Variants in DCAF6 observed in about 807,000 individuals in gnomAD.
The protein encoded by DCAF6 is DDB1- and CUL4-associated factor 6.
Under a neutral mutation model 125.1 loss-of-function variants are expected in DCAF6, and 54 were observed. The ratio of observed to expected loss-of-function variants is 0.43; its 90% CI spans 0.35 to 0.54. The LOEUF (loss-of-function observed/expected upper bound fraction) is 0.54. Ranked by LOEUF, DCAF6 falls within the 20% of genes least tolerant of loss-of-function variation. The pLI is 0.01. For synonymous variants in DCAF6, 371 were observed against 390.4 expected (o/e 0.95, Z 0.58); for missense variants, 934 against 1,161.7 (o/e 0.80, Z 2.85).
chr1:167,892,401 A>G, the DCAF6 span, among the ~76,000 whole-genome samples: 3 of 152,292 alleles, frequency 2.0e-5, no homozygotes, highest in East Asian at 3.9e-4. Context: ...TGGTTTTGGT[A>G]AAGTTGTAAA....
At chr1:168,037,854 G>C (rs750565473) in intron 12 of DCAF6, among the ~76,000 whole-genome samples, 1 of 152,186 alleles carries the variant, frequency 6.6e-6, no homozygotes, top group African/African-American at 2.4e-5. Context: ...TGCAGACTGT[G>C]ATTCCTCCCT....
chr1:167,890,854 T>A, the DCAF6 span, among the ~76,000 whole-genome samples: 1 of 152,216 alleles, frequency 6.6e-6, no homozygotes, highest in Non-Finnish European at 1.5e-5. Flanking sequence ...ACCGATTAGA[T>A]AACTGATGTA....
At chr1:167,932,353 A>G (rs918339960), upstream of DCAF6, among the ~76,000 whole-genome samples, 5 of 152,172 alleles carry the variant, frequency 3.3e-5, no homozygotes, top group Non-Finnish European at 7.3e-5. Context: ...AGTGGATGAA[A>G]TAACAGTAAA....
the DCAF6 span, among the ~76,000 whole-genome samples, chr1:167,910,830 A>G: frequency 3.9e-5 from 6 of 152,142 alleles, no homozygotes; most frequent in African/African-American, 1.4e-4. Flanking sequence ...CTCAACTTTG[A>G]CTTCTTTAGC....
intron 18 of DCAF6, among the ~76,000 whole-genome samples, chr1:168,065,303 A>G (rs1156841175): frequency 6.6e-6 from 1 of 151,834 alleles, no homozygotes; most frequent in Non-Finnish European, 1.5e-5. Flanking sequence ...AAGCTAGAAG[A>G]CAGATTTTTG....
At chr1:167,887,508 A>C in the DCAF6 span, among the ~76,000 whole-genome samples, 2 of 152,064 alleles carry the variant, frequency 1.3e-5, no homozygotes, top group Non-Finnish European at 2.9e-5. Flanking sequence ...GAACACTTAG[A>C]CACAGGGTGG....
chr1:167,933,171 T>G (rs1007863035), upstream of DCAF6, among the ~76,000 whole-genome samples: 1 of 117,908 alleles, frequency 8.5e-6, no homozygotes, highest in Admixed American at 8.0e-5. Flanking sequence ...ACACATTAGT[T>G]TTTTTTTTTT....
intron 2 of DCAF6, among the ~76,000 whole-genome samples, chr1:167,956,549 C>G (rs1382350276): frequency 6.6e-6 from 1 of 151,940 alleles, no homozygotes; most frequent in East Asian, 1.9e-4. Context: ...TTTCTGTTTT[C>G]TATTTCATTG....
At chr1:167,996,270 C>A (rs941513843) in intron 7 of DCAF6, among the ~76,000 whole-genome samples, 1 of 148,872 alleles carries the variant, frequency 6.7e-6, no homozygotes, top group Non-Finnish European at 1.5e-5. Context: ...ATCCTTTTTT[C>A]TTTTTATCAT....
At chr1:167,977,007 A>G (rs746277415) in intron 4 of DCAF6, among the ~76,000 whole-genome samples, 3 of 138,908 alleles carry the variant, frequency 2.2e-5, no homozygotes, top group Non-Finnish European at 3.0e-5. Flanking sequence ...GGGTTCAAGT[A>G]ATTCTCCTGT....
At chr1:167,993,494 A>G (rs867959337) in intron 7 of DCAF6, 54 bp downstream of exon 7, 5 of 1,489,038 alleles carry the variant, frequency 3.4e-6, no homozygotes, top group Middle Eastern at 1.7e-4. Context: ...TCACGCCTGT[A>G]ATCCCAGCGC....
At chr1:167,882,384 C>T in the DCAF6 span, among the ~76,000 whole-genome samples, 2 of 149,698 alleles carry the variant, frequency 1.3e-5, no homozygotes, top group African/African-American at 2.5e-5. Context: ...ACTCAGGAGG[C>T]TGAGTCAAGA....
intron 16 of DCAF6, among the ~76,000 whole-genome samples, chr1:168,047,278 C>T (rs1469021050): frequency 6.6e-6 from 1 of 151,974 alleles, no homozygotes; most frequent in Non-Finnish European, 1.5e-5. Flanking sequence ...TTCCCAATAG[C>T]CTCATTGACC....
Position 168,075,613 on chromosome 1 carries a change from T to A in DCAF6, c.*178T>A, listed in dbSNP as rs1693711319. ...TTGTGTGCATGAATTTGGGAGATTG[T>A]ATAAAACAAAACTAGCAGAATGTTT... is the stretch of plus-strand genomic sequence containing the variant. On this transcript the variant is annotated 3_prime_UTR_variant, in exon 22 of 22. Coordinates refer to ENST00000367840, the MANE Select transcript of DCAF6 (RefSeq NM_001198956.2). 3.7e-6 allele frequency: 2 copies of A among 537,394 alleles called. No homozygotes were observed. The highest frequency in any genetic ancestry group is 3.2e-6 in the Non-Finnish European group (1 of 313,884). 33.3% of individuals were successfully genotyped at this position (537,394 alleles called of 1,614,324 possible).
At chr1:168,044,487 G>T in intron 14 of DCAF6, 98 bp from the exon 15 acceptor site, 1 of 770,850 alleles carries the variant, frequency 1.3e-6, no homozygotes, top group Non-Finnish European at 2.3e-6. Context: ...CATTATATAT[G>T]AGGGACTTGA....
chr1:167,899,199 T>C, the DCAF6 span, among the ~76,000 whole-genome samples: 1 of 152,168 alleles, frequency 6.6e-6, no homozygotes, highest in Non-Finnish European at 1.5e-5. Flanking sequence ...ATATCCTCAG[T>C]TACCCATAAA....
At chr1:167,925,694 C>G in the DCAF6 span, among the ~76,000 whole-genome samples, 1 of 151,078 alleles carries the variant, frequency 6.6e-6, no homozygotes, top group African/African-American at 2.4e-5. Flanking sequence ...TTACAGGCGC[C>G]TGCCACCACA....
At chr1:168,066,671 A>C (rs562805845) in intron 20 of DCAF6, among the ~76,000 whole-genome samples, 1 of 152,142 alleles carries the variant, frequency 6.6e-6, no homozygotes, top group East Asian at 1.9e-4. Context: ...TACTAATTAT[A>C]ATATTCATCA....
intron 1 of DCAF6, among the ~76,000 whole-genome samples, chr1:167,950,625 A>G (rs1432374853): frequency 6.6e-6 from 1 of 152,242 alleles, no homozygotes; most frequent in African/African-American, 2.4e-5. Flanking sequence ...AGAAAGTGCA[A>G]TAGAGAAATC....
Sources: allele counts gnomAD v4.1 joint callset (sites outside exome capture counted in the v4.1 genomes callset), GRCh38; gene constraint gnomAD v4.1.1; transcripts MANE v1.5; gene names NCBI Gene and HGNC (gene_info 2026-07-23, HGNC 2026-07-21).